The following CPA6 variants were observed in gnomAD, a reference collection of about 807,000 sequenced individuals.
CPA6 encodes carboxypeptidase B.
In CPA6, 58 loss-of-function variants were observed where a neutral mutation model predicts 63.3. The ratio of observed to expected loss-of-function variants is 0.92; its 90% CI spans 0.74 to 1.14. CPA6 has a LOEUF of 1.14. CPA6 is among the 50% of genes most tolerant of loss of function. The probability of loss-of-function intolerance (pLI) is 0.00; values close to 1 mark genes in which losing one functional copy is unlikely to be tolerated. For missense variants in CPA6, 565 were observed against 526.6 expected (o/e 1.07, Z -0.71); for synonymous variants, 185 against 179.0 (o/e 1.03, Z -0.27).
chr8:67,634,314 C>G (rs1232321799), intron 1 of CPA6, among the ~76,000 whole-genome samples: 2 of 148,404 alleles, frequency 1.3e-5, no homozygotes, highest in African/African-American at 2.6e-5. Flanking sequence ...CCGCCTCCCG[C>G]ATTCTCGCAT....
chr8:67,651,204 G>A (rs1815828909), intron 1 of CPA6, among the ~76,000 whole-genome samples: 1 of 152,068 alleles, frequency 6.6e-6, no homozygotes, highest in Admixed American at 6.6e-5. Context: ...TTTCTTACTA[G>A]GTAATTTTTC....
chr8:67,733,393 T>C (rs865954039), intron 1 of CPA6, among the ~76,000 whole-genome samples: 3 of 151,342 alleles, frequency 2.0e-5, no homozygotes, highest in Admixed American at 6.6e-5. Context: ...TCCAGGGACA[T>C]GCTACACGGG....
intron 1 of CPA6, among the ~76,000 whole-genome samples, chr8:67,684,001 GTATATATATATATATATA>G (rs3056573): frequency 7.7e-5 from 9 of 116,982 alleles, no homozygotes; most frequent in South Asian, 3.1e-4. Context: ...ATTTTAAAAT[GTATATATATATATATATA>G]TATATATATA....
chr8:67,430,331 G>A (rs60528951), intron 9 of CPA6, among the ~76,000 whole-genome samples: 14,567 of 151,364 alleles, frequency 0.096, 1,023 homozygotes, highest in East Asian at 0.31. Flanking sequence ...AGGCACCCGC[G>A]ACCACGCCTG....
intron 8 of CPA6, among the ~76,000 whole-genome samples, chr8:67,436,794 T>C (rs1810166497): frequency 6.6e-6 from 1 of 152,218 alleles, no homozygotes; most frequent in South Asian, 2.1e-4. Flanking sequence ...ATAATTAGAT[T>C]TTCCATAGTT....
chr8:67,457,912 C>T (rs1316433130), intron 8 of CPA6, among the ~76,000 whole-genome samples: 4 of 152,172 alleles, frequency 2.6e-5, no homozygotes, highest in Non-Finnish European at 5.9e-5. Context: ...TCAGCTCAGG[C>T]TGTTCATTTC....
intron 1 of CPA6, among the ~76,000 whole-genome samples, chr8:67,666,868 T>G (rs1171800716): frequency 2.0e-5 from 3 of 152,130 alleles, no homozygotes; most frequent in Non-Finnish European, 4.4e-5. Flanking sequence ...CCCCTAAGCA[T>G]TTCACCGGGT....
chr8:67,654,319 G>T (rs1815929528), intron 1 of CPA6, among the ~76,000 whole-genome samples: 1 of 152,192 alleles, frequency 6.6e-6, no homozygotes, highest in South Asian at 2.1e-4. Context: ...AGAAGGAATG[G>T]TACCAGCTCC....
chr8:67,680,426 A>G (rs1816567799), intron 1 of CPA6, among the ~76,000 whole-genome samples: 1 of 151,842 alleles, frequency 6.6e-6, no homozygotes, highest in South Asian at 2.1e-4. Flanking sequence ...CAAGGCTGAC[A>G]CAAGCCATGA....
Position 67,677,636 on chromosome 8 carries a change from A to T in CPA6, c.117-53385T>A, listed in dbSNP as rs570983045. Among the ~76,000 whole-genome samples the T allele has an allele frequency of 2.0e-5, 3 of 152,334 alleles. No individual in the cohort carries two copies. The South Asian group carries it at 6.2e-4, about 32-fold the overall frequency. On this transcript the variant is annotated intron_variant, in intron 1 of 10. Transcript: ENST00000297770. ...CCATATATAAATGAGATATTGATAT[A>T]GATCCAAAGAGACATAGATACAAGT... is the stretch of plus-strand genomic sequence containing the variant.
At chr8:67,612,707 G>C (rs1277498681) in intron 2 of CPA6, among the ~76,000 whole-genome samples, 2 of 152,162 alleles carry the variant, frequency 1.3e-5, no homozygotes, top group African/African-American at 2.4e-5. Flanking sequence ...TAGAAAACAG[G>C]AAACTTCTTT....
chr8:67,434,865 C>T (rs1810112587), intron 8 of CPA6, among the ~76,000 whole-genome samples: 1 of 152,218 alleles, frequency 6.6e-6, no homozygotes, highest in African/African-American at 2.4e-5. Context: ...CTAAATCCAC[C>T]CTTACCCCTC....
chr8:67,558,493 A>C (rs1587559923), intron 2 of CPA6, among the ~76,000 whole-genome samples: 1 of 152,220 alleles, frequency 6.6e-6, no homozygotes, highest in Non-Finnish European at 1.5e-5. Flanking sequence ...AAAATGTGAA[A>C]GTCAATGTAA....
chr8:67,423,135 A>T (rs1809805773), intron 10 of CPA6, among the ~76,000 whole-genome samples: 1 of 151,984 alleles, frequency 6.6e-6, no homozygotes, highest in African/African-American at 2.4e-5. Flanking sequence ...CCCAGGCTGG[A>T]GTGCAGTGTC....
chr8:67,426,655 A>G (rs1455028387), intron 10 of CPA6, among the ~76,000 whole-genome samples: 1 of 152,224 alleles, frequency 6.6e-6, no homozygotes, highest in Non-Finnish European at 1.5e-5. Context: ...TAGGAATACA[A>G]TGATAGGTAG....
rs1427029743 is a variant in CPA6, at chr8:67,586,488, G to A, written c.192+37688C>T. On this transcript the variant is annotated intron_variant, in intron 2 of 10. Coordinates refer to ENST00000297770, the MANE Select transcript of CPA6 (RefSeq NM_020361.5). ...TTTTAAGTATAAACAAGAGCTACGA[G>A]TAGAGGTAGGGATCCTACTAGTGTA... Among the ~76,000 whole-genome samples, 3 of 152,180 alleles carry A rather than the reference G, an allele frequency of 2.0e-5. No individual in the cohort carries two copies. The East Asian group carries it at 5.8e-4, about 29-fold the overall frequency.
chr8:67,424,495 T>A (rs1809841983), intron 10 of CPA6, among the ~76,000 whole-genome samples: 1 of 152,226 alleles, frequency 6.6e-6, no homozygotes, highest in Non-Finnish European at 1.5e-5. Context: ...CTCTTGATAC[T>A]GTTGGTTATT....
At chr8:67,652,054 C>G (rs1815854447) in intron 1 of CPA6, among the ~76,000 whole-genome samples, 1 of 152,106 alleles carries the variant, frequency 6.6e-6, no homozygotes, top group South Asian at 2.1e-4. Flanking sequence ...TCATCCATGT[C>G]CCTGCAAAGG....
At chr8:67,658,479 A>G (rs921629785) in intron 1 of CPA6, among the ~76,000 whole-genome samples, 2 of 151,996 alleles carry the variant, frequency 1.3e-5, no homozygotes, top group African/African-American at 2.4e-5. Context: ...TCTAAACATC[A>G]TTTCTCAGGG....
Sources: allele counts gnomAD v4.1 joint callset (sites outside exome capture counted in the v4.1 genomes callset), GRCh38; gene constraint gnomAD v4.1.1; transcripts MANE v1.5; gene names NCBI Gene and HGNC (gene_info 2026-07-23, HGNC 2026-07-21).